Variants in ENDOD1 observed in about 807,000 individuals in gnomAD.
The protein encoded by ENDOD1 is endonuclease domain-containing 1 protein.
Under a neutral mutation model 6.5 loss-of-function variants are expected in ENDOD1, and 9 were observed. The observed-to-expected ratio is 1.39, with a 90% CI of 0.84 to 2.43. The LOEUF (loss-of-function observed/expected upper bound fraction) is 2.43, where lower values mean the gene tolerates loss of function less well. Among genes scored for constraint, ENDOD1 ranks in the 30% most tolerant of loss-of-function variants. The pLI is 0.00. For missense variants in ENDOD1, 648 were observed against 635.5 expected (o/e 1.02, Z -0.21); for synonymous variants, 255 against 255.2 (o/e 1.00, Z 0.01).
chr11:95,095,626 A>C (rs1555110236), intron 1 of ENDOD1, among the ~76,000 whole-genome samples: 3 of 152,232 alleles, frequency 2.0e-5, no homozygotes, highest in African/African-American at 7.2e-5. Context: ...ATATCTGGAC[A>C]ATCTAGGCAA....
At chr11:95,121,867 A>G (rs1859264503) in intron 1 of ENDOD1, among the ~76,000 whole-genome samples, 1 of 152,232 alleles carries the variant, frequency 6.6e-6, no homozygotes, top group Admixed American at 6.5e-5. Flanking sequence ...ACTGTATCAA[A>G]TTACATTGAC....
chr11:95,126,752 C>T (rs182738814), intron 1 of ENDOD1, among the ~76,000 whole-genome samples: 427 of 152,320 alleles, frequency 2.8e-3, no homozygotes, highest in Middle Eastern at 6.8e-3. Context: ...ACAGTCTCTG[C>T]TCACTGCATC....
rs773264657 is a variant in ENDOD1, at chr11:95,120,264, T to G, written c.301-8113T>G. On this transcript the variant is annotated intron_variant, in intron 1 of 1. Transcript: ENST00000278505. ...TCCCTGTAGCCACCACAGCTGGTAT[T>G]GTGCTGAATCTCACCTGAAGCCAGG... 1.7e-4 allele frequency among the ~76,000 whole-genome samples: 26 copies of G among 152,118 alleles called. 1 individual carries two copies. The highest frequency in any genetic ancestry group is 6.5e-5 in the Admixed American group (1 of 15,276).
At chr11:95,119,106 CATCT>C (rs1380422508) in intron 1 of ENDOD1, among the ~76,000 whole-genome samples, 4 of 152,172 alleles carry the variant, frequency 2.6e-5, no homozygotes, top group African/African-American at 9.6e-5. Flanking sequence ...TTCCTCAGCA[CATCT>C]ATTTTGAATT....
intron 1 of ENDOD1, among the ~76,000 whole-genome samples, chr11:95,100,462 C>G (rs1352692314): frequency 6.6e-6 from 1 of 151,980 alleles, no homozygotes; most frequent in East Asian, 1.9e-4. Flanking sequence ...GTCTTTAACT[C>G]TGGCCACTTT....
chr11:95,111,123 C>T (rs1555111895), intron 1 of ENDOD1, among the ~76,000 whole-genome samples: 1 of 152,198 alleles, frequency 6.6e-6, no homozygotes, highest in African/African-American at 2.4e-5. Flanking sequence ...AACAGCTCCT[C>T]CTCCCTCCTC....
intron 1 of ENDOD1, among the ~76,000 whole-genome samples, chr11:95,107,671 G>A (rs1428362099): frequency 6.6e-6 from 1 of 151,344 alleles, no homozygotes; most frequent in African/African-American, 2.4e-5. Flanking sequence ...ACTTTTTTTT[G>A]TTTGTTTGAG....
At chr11:95,127,704 T>C (rs1308949153) in intron 1 of ENDOD1, among the ~76,000 whole-genome samples, 1 of 152,218 alleles carries the variant, frequency 6.6e-6, no homozygotes, top group Non-Finnish European at 1.5e-5. Context: ...TTAGAATTAC[T>C]TTGAAGCTCA....
At chr11:95,102,677 CAAAA>C (rs1555111012) in intron 1 of ENDOD1, among the ~76,000 whole-genome samples, 2 of 132,768 alleles carry the variant, frequency 1.5e-5, no homozygotes, top group Non-Finnish European at 3.2e-5. Flanking sequence ...GTCTCAAAAA[CAAAA>C]ACAAACAAAC....
intron 1 of ENDOD1, among the ~76,000 whole-genome samples, chr11:95,122,275 T>A (rs1859268702): frequency 2.0e-5 from 3 of 152,196 alleles, no homozygotes; most frequent in African/African-American, 7.2e-5. Context: ...CAGGCTGGAG[T>A]ACAATGGCAT....
In ENDOD1 at chr11:95,131,733, A is replaced by C. The variant is rs1401480146; in HGVS notation, c.*2154A>C. The C allele has an allele frequency of 6.6e-6, 1 of 152,274 alleles. No homozygotes were observed. The highest frequency in any genetic ancestry group is 2.4e-5 in the African/African-American group (1 of 41,468). 9.4% of individuals were successfully genotyped at this position (152,274 alleles called of 1,614,324 possible). ...TAATTCCCTCCTAGCACATATTTGCATACTGAAAGGTCCGAAAAGGGCATC... is the reference window on the plus strand; with the variant it reads ...TAATTCCCTCCTAGCACATATTTGCCTACTGAAAGGTCCGAAAAGGGCATC... On this transcript the variant is annotated 3_prime_UTR_variant, in exon 2 of 2. Coordinates refer to ENST00000278505, the MANE Select transcript of ENDOD1 (RefSeq NM_015036.3).
At position 95,089,891 on chromosome 11, in the gene ENDOD1, C is replaced by G; in HGVS notation, c.-37C>G. On this transcript the variant is annotated 5_prime_UTR_variant, in exon 1 of 2. Coordinates refer to ENST00000278505, the MANE Select transcript of ENDOD1 (RefSeq NM_015036.3). ...CCTGCAGAGCTCGCGCCGCGGCAGC[C>G]CAGCCGCTCGGCCCCGCCGCGCTCG... 1 of 1,303,348 alleles carries G rather than the reference C, an allele frequency of 7.7e-7. No homozygotes were observed. The highest frequency in any genetic ancestry group is 9.8e-7 in the Non-Finnish European group (1 of 1,023,428). 80.7% of individuals were successfully genotyped at this position (1,303,348 alleles called of 1,614,324 possible).
intron 1 of ENDOD1, among the ~76,000 whole-genome samples, chr11:95,122,589 T>TACACACAC (rs55940348): frequency 0.081 from 11,596 of 142,644 alleles, 527 homozygotes; most frequent in African/African-American, 0.11. Flanking sequence ...GCATTTAAGT[T>TACACACAC]ACACACACAC....
intron 1 of ENDOD1, among the ~76,000 whole-genome samples, chr11:95,102,001 A>G (rs1859045411): frequency 6.6e-6 from 1 of 152,124 alleles, no homozygotes; most frequent in African/African-American, 2.4e-5. Flanking sequence ...AGAATATATA[A>G]CTCACAGGTG....
Position 95,115,385 on chromosome 11 carries a change from T to C in ENDOD1, c.301-12992T>C, listed in dbSNP as rs548441876. ...ATTTGTTTATCCGTTCTACTAGGTT[T>C]TTTTTTTTGTGTGTGTGTGGCGTCT... On this transcript the variant is annotated intron_variant, in intron 1 of 1. Transcript: ENST00000278505. Among the ~76,000 whole-genome samples, 4 of 145,260 alleles carry C rather than the reference T, an allele frequency of 2.8e-5. No individual in the cohort carries two copies. In the East Asian group the frequency reaches 5.9e-4, roughly 21 times the overall value.
intron 1 of ENDOD1, 45 bp from the exon 2 acceptor site, chr11:95,128,332 T>C: frequency 6.3e-7 from 1 of 1,578,476 alleles, no homozygotes. Context: ...GCTGCCTCTG[T>C]GCTGTAAGCA....
At chr11:95,100,865 G>GGTTTT (rs1555110779) in intron 1 of ENDOD1, among the ~76,000 whole-genome samples, 1 of 72,292 alleles carries the variant, frequency 1.4e-5, no homozygotes. Context: ...CCTGCTGGGT[G>GGTTTT]TTTTTTTTTT....
At chr11:95,109,684 C>G (rs1401989808) in intron 1 of ENDOD1, among the ~76,000 whole-genome samples, 3 of 152,292 alleles carry the variant, frequency 2.0e-5, no homozygotes, top group African/African-American at 4.8e-5. Flanking sequence ...TCCACTCACA[C>G]CAGTTGCCCA....
chr11:95,103,880 CT>C (rs368326690), intron 1 of ENDOD1, among the ~76,000 whole-genome samples: 69 of 152,302 alleles, frequency 4.5e-4, no homozygotes, highest in African/African-American at 1.3e-3. Flanking sequence ...AATAAGTAGC[CT>C]TTGCTTCCCA....
Sources: gnomAD v4.1 joint callset for allele counts (sites outside exome capture counted in the v4.1 genomes callset) on GRCh38, gnomAD v4.1.1 for gene constraint, MANE v1.5 for transcripts, NCBI Gene and HGNC (gene_info 2026-07-23, HGNC 2026-07-21) for gene names.